Variants in CDH12 observed in about 807,000 individuals in gnomAD.
CDH12 encodes the protein cadherin 12.
A neutral mutation model predicts 74.1 loss-of-function variants in CDH12; 41 were observed. That is an observed-to-expected ratio of 0.55 (90% CI 0.43 to 0.72). The LOEUF (loss-of-function observed/expected upper bound fraction) is 0.72. CDH12 is among the 30% of genes least tolerant of loss of function. CDH12 has a pLI of 0.00. For missense variants in CDH12, 945 were observed against 977.2 expected (o/e 0.97, Z 0.44); for synonymous variants, 399 against 355.0 (o/e 1.12, Z -1.39).
intron 4 of CDH12, chr5:22,143,387 T>TTTTTA (rs1746941811): frequency 6.8e-6 from 1 of 148,052 alleles, no homozygotes; most frequent in African/African-American, 2.5e-5. Context: ...TTTTTTTTTT[T>TTTTTA]GAGATGGAGT....
chr5:22,077,453 A>T, intron 5 of CDH12, among the ~76,000 whole-genome samples: 1 of 152,100 alleles, frequency 6.6e-6, no homozygotes, highest in East Asian at 1.9e-4. Flanking sequence ...GCTGCTCAAG[A>T]GTCATGATCT....
intron 2 of CDH12, among the ~76,000 whole-genome samples, chr5:22,439,227 T>C (rs996348476): frequency 1.3e-4 from 19 of 151,960 alleles, no homozygotes; most frequent in African/African-American, 4.6e-4. Flanking sequence ...CAAGGACATT[T>C]GGACAGTAGC....
chr5:22,560,377 T>C (rs1738988222), intron 1 of CDH12, among the ~76,000 whole-genome samples: 1 of 152,160 alleles, frequency 6.6e-6, no homozygotes, highest in South Asian at 2.1e-4. Flanking sequence ...TTGGTAGCTC[T>C]CTCAAGTATG....
At chr5:21,753,202 C>T (rs1255975234) in intron 14 of CDH12, among the ~76,000 whole-genome samples, 1 of 152,104 alleles carries the variant, frequency 6.6e-6, no homozygotes, top group Non-Finnish European at 1.5e-5. Flanking sequence ...CTGGAAGACA[C>T]CTGTCATAGA....
At chr5:22,822,723 T>C (rs1434283587) in intron 1 of CDH12, among the ~76,000 whole-genome samples, 1 of 152,072 alleles carries the variant, frequency 6.6e-6, no homozygotes, top group Non-Finnish European at 1.5e-5. Context: ...CATTAAAAAG[T>C]CAGGAAACAA....
At chr5:22,066,332 C>T (rs959650250) in intron 5 of CDH12, among the ~76,000 whole-genome samples, 2 of 152,064 alleles carry the variant, frequency 1.3e-5, no homozygotes, top group South Asian at 4.2e-4. Context: ...TTTCCTCTAT[C>T]CCCAAAGGGA....
chr5:22,018,823 G>A (rs1246343012), intron 5 of CDH12, among the ~76,000 whole-genome samples: 1 of 152,116 alleles, frequency 6.6e-6, no homozygotes, highest in Non-Finnish European at 1.5e-5. Flanking sequence ...TGTAATCCCA[G>A]CATTTTGGGA....
intron 5 of CDH12, among the ~76,000 whole-genome samples, chr5:22,070,323 G>T (rs1473505578): frequency 6.6e-6 from 1 of 152,090 alleles, no homozygotes; most frequent in African/African-American, 2.4e-5. Context: ...ATCTCTATTT[G>T]GTGATTAAAC....
intron 4 of CDH12, among the ~76,000 whole-genome samples, chr5:22,136,470 A>C (rs867766884): frequency 2.0e-5 from 3 of 152,002 alleles, no homozygotes; most frequent in Admixed American, 1.3e-4. Flanking sequence ...AAGACAAATC[A>C]TGCCATCTCA....
chr5:22,551,226 G>A (rs1738552669), intron 1 of CDH12, among the ~76,000 whole-genome samples: 1 of 152,188 alleles, frequency 6.6e-6, no homozygotes, highest in Non-Finnish European at 1.5e-5. Context: ...AAGTCTATGT[G>A]AGAAGACAGG....
intron 1 of CDH12, among the ~76,000 whole-genome samples, chr5:22,645,558 T>C (rs1029337970): frequency 6.6e-6 from 1 of 152,028 alleles, no homozygotes; most frequent in Non-Finnish European, 1.5e-5. Flanking sequence ...GGAGTTAGAA[T>C]AGTTCATAAA....
rs2547645 is a variant in CDH12 at position 21,990,865 on chromosome 5, T to C, written c.232-15480A>G. Among the ~76,000 whole-genome samples the C allele has an allele frequency of 2.8e-4, 42 of 151,978 alleles. 1 individual carries two copies. The highest frequency in any genetic ancestry group is 3.4e-3 in the Middle Eastern group (1 of 294). The stretch of plus-strand genomic sequence containing the variant: ...GATTAAACCAGGTCATCTAACCCCA[T>C]GTGTCTTTGGGACTAGCATTTAAAC... On this transcript the variant is annotated intron_variant, in intron 5 of 14. Transcript: ENST00000382254.
chr5:22,433,428 C>T (rs574068930), intron 2 of CDH12, among the ~76,000 whole-genome samples: 5 of 152,062 alleles, frequency 3.3e-5, no homozygotes, highest in East Asian at 1.9e-4. Flanking sequence ...CCTGACACAA[C>T]GGTTGTACTG....
intron 1 of CDH12, among the ~76,000 whole-genome samples, chr5:22,514,838 A>T (rs1290607232): frequency 1.3e-5 from 2 of 152,168 alleles, no homozygotes; most frequent in Admixed American, 1.3e-4. Flanking sequence ...ATAGTTCACT[A>T]AGATAAGAAG....
chr5:22,731,027 A>G (rs1744409532), intron 1 of CDH12, among the ~76,000 whole-genome samples: 1 of 151,764 alleles, frequency 6.6e-6, no homozygotes, highest in Non-Finnish European at 1.5e-5. Context: ...AAGTGTTCAG[A>G]TGTGTTTACT....
chr5:22,602,845 A>G (rs1736913514), intron 1 of CDH12, among the ~76,000 whole-genome samples: 1 of 152,160 alleles, frequency 6.6e-6, no homozygotes, highest in African/African-American at 2.4e-5. Flanking sequence ...TAAATATTTG[A>G]ATGCTGTGCC....
At chr5:22,222,317 C>T (rs1752045210) in intron 3 of CDH12, among the ~76,000 whole-genome samples, 1 of 151,922 alleles carries the variant, frequency 6.6e-6, no homozygotes, top group Non-Finnish European at 1.5e-5. Context: ...AAAGTTCTCT[C>T]CAAGGAGCTA....
intron 2 of CDH12, among the ~76,000 whole-genome samples, chr5:22,414,862 A>G (rs1317060998): frequency 3.3e-5 from 5 of 152,058 alleles, no homozygotes; most frequent in Non-Finnish European, 5.9e-5. Context: ...ATTTTAAAAT[A>G]ATTTGAGTTA....
intron 5 of CDH12, among the ~76,000 whole-genome samples, chr5:21,981,577 C>T (rs1447911374): frequency 6.6e-6 from 1 of 152,090 alleles, no homozygotes; most frequent in Non-Finnish European, 1.5e-5. Flanking sequence ...GCATTAACAC[C>T]TTTACGCTTC....
Sources: gnomAD v4.1 joint callset for allele counts (sites outside exome capture counted in the v4.1 genomes callset) on GRCh38, gnomAD v4.1.1 for gene constraint, MANE v1.5 for transcripts, NCBI Gene and HGNC (gene_info 2026-07-23, HGNC 2026-07-21) for gene names.